Variants in SLC27A4 observed in about 807,000 individuals in gnomAD.
SLC27A4 encodes long-chain fatty acid transport protein 4.
A neutral mutation model predicts 64.4 loss-of-function variants in SLC27A4; 33 were observed. The ratio of observed to expected loss-of-function variants is 0.51; its 90% CI spans 0.39 to 0.68. The LOEUF is 0.68. Among genes scored for constraint, SLC27A4 ranks in the 30% least tolerant of loss-of-function variants. The pLI is 0.00. For synonymous variants in SLC27A4, 377 were observed against 370.0 expected (o/e 1.02, Z -0.22); for missense variants, 824 against 883.5 (o/e 0.93, Z 0.85).
Position 128,355,653 on chromosome 9 carries a change from C to G in SLC27A4, c.1631C>G (p.Thr544Ser), listed in dbSNP as rs1401095556. Residue 544 changes from threonine to serine, a missense_variant, in exon 12 of 13, where the codon ACC (threonine) becomes AGC (serine). Transcript: ENST00000300456. ...GTGTCTACCCTGCCACCCCCAGGAACCGAGGGCCGGGCCGGAATGGCTGCT... is the reference window on the plus strand; with the variant it reads ...GTGTCTACCCTGCCACCCCCAGGAAGCGAGGGCCGGGCCGGAATGGCTGCT... ...VAVYGVEVPG[T>S]EGRAGMAAVA... is the part of the protein sequence containing the mutation. The G allele has an allele frequency of 6.2e-7, 1 of 1,610,470 alleles. No individual in the cohort carries two copies. Among genetic ancestry groups the G allele is most frequent in the Non-Finnish European group, 8.5e-7 (1 of 1,180,018 alleles).
chr9:128,353,671 C>A lies in SLC27A4; in HGVS notation c.1324+130C>A. The A allele has an allele frequency of 1.1e-6, 1 of 898,476 alleles. No homozygotes were observed. The allele number at this position is 898,476 out of a possible 1,614,324, so 55.7% of individuals were successfully genotyped here. Reference sequence around the variant, plus strand: ...TCTGCTCTTAGGGTTACAAGTTACTCATTTATTTGTGTATCCATCCATTCA... The same window carrying A: ...TCTGCTCTTAGGGTTACAAGTTACTAATTTATTTGTGTATCCATCCATTCA... On this transcript the variant is annotated intron_variant, in intron 9 of 12. Coordinates refer to ENST00000300456, the MANE Select transcript of SLC27A4 (RefSeq NM_005094.4). The surrounding 1 kb of genome is among the most constrained non-coding windows in gnomAD (Gnocchi z 4.9).
chr9:128,355,241 G>C, intron 10 of SLC27A4, 51 bp downstream of exon 10: 3 of 1,603,140 alleles, frequency 1.9e-6, no homozygotes, highest in Non-Finnish European at 2.6e-6. Flanking sequence ...GGGAGGAGGG[G>C]ACCTTCTCCC....
At chr9:128,354,797 A>AT (rs947252968) in intron 9 of SLC27A4, among the ~76,000 whole-genome samples, 6 of 151,536 alleles carry the variant, frequency 4.0e-5, no homozygotes, top group Admixed American at 2.0e-4. Flanking sequence ...AAAATAAAAA[A>AT]AAAAAATTAG....
At chr9:128,350,630 C>T (rs1438500035) in intron 6 of SLC27A4, 55 bp downstream of exon 6, 2 of 1,326,474 alleles carry the variant, frequency 1.5e-6, no homozygotes, top group Non-Finnish European at 2.1e-6. Flanking sequence ...CTAGGAACCC[C>T]ACCCCCATCA....
intron 12 of SLC27A4, among the ~76,000 whole-genome samples, chr9:128,356,605 ACCAG>A (rs1832823779): frequency 6.6e-6 from 1 of 152,190 alleles, no homozygotes; most frequent in South Asian, 2.1e-4. Flanking sequence ...GGAGTTCGAG[ACCAG>A]CCTGCCCAAC....
At chr9:128,356,178 C>G (rs1236323536) in intron 12 of SLC27A4, among the ~76,000 whole-genome samples, 1 of 152,084 alleles carries the variant, frequency 6.6e-6, no homozygotes, top group Non-Finnish European at 1.5e-5. Flanking sequence ...ACAGAGCAAG[C>G]TGATAGGAAA....
Position 128,355,372 on chromosome 9 carries a change from C to G in SLC27A4, c.1463-26C>G, listed in dbSNP as rs760456850. Reference sequence around the variant, plus strand: ...TGGTCTCAGAGCTGGCCAGGCCCAGCCCTGCCTCATCCGGCCCCTCCCTAG... The same window carrying G: ...TGGTCTCAGAGCTGGCCAGGCCCAGGCCTGCCTCATCCGGCCCCTCCCTAG... On this transcript the variant is annotated intron_variant, in intron 10 of 12. Coordinates refer to ENST00000300456, the MANE Select transcript of SLC27A4 (RefSeq NM_005094.4). The G allele has an allele frequency of 7.4e-6, 12 of 1,612,878 alleles. No homozygotes were observed. In the East Asian group the frequency reaches 2.7e-4, roughly 36 times the overall value.
intron 1 of SLC27A4, among the ~76,000 whole-genome samples, chr9:128,341,516 G>C (rs564679126): frequency 4.6e-5 from 7 of 152,112 alleles, no homozygotes; most frequent in Non-Finnish European, 1.0e-4. Context: ...GGTCCTCCTC[G>C]CCTCCCTCAA....
At chr9:128,360,282 C>T (rs1832878242) in intron 12 of SLC27A4, 52 bp from the exon 13 acceptor site, 3 of 1,607,772 alleles carry the variant, frequency 1.9e-6, no homozygotes, top group Admixed American at 3.3e-5. Flanking sequence ...GGTTGGGAAG[C>T]TGGGAGCTCG....
At chr9:128,354,081 T>C (rs571428121) in intron 9 of SLC27A4, among the ~76,000 whole-genome samples, 33 of 152,062 alleles carry the variant, frequency 2.2e-4, no homozygotes, top group African/African-American at 7.5e-4. Flanking sequence ...GTAGCTGGAA[T>C]TACAGGCAAA....
chr9:128,350,422 G>T, intron 5 of SLC27A4, 41 bp downstream of exon 5: 2 of 1,612,580 alleles, frequency 1.2e-6, no homozygotes, highest in East Asian at 2.2e-5. Flanking sequence ...CACAGGCAGG[G>T]CTGGGGAGCC....
At chr9:128,346,958 T>C (rs1024609362) in intron 3 of SLC27A4, among the ~76,000 whole-genome samples, 4 of 151,948 alleles carry the variant, frequency 2.6e-5, no homozygotes, top group African/African-American at 9.7e-5. Context: ...TGAGCCGAGA[T>C]CACGTCACTG....
chr9:128,360,497 C>G lies in SLC27A4; in HGVS notation c.*6C>G. 2 of 1,613,604 alleles carry G rather than the reference C, an allele frequency of 1.2e-6. No individual in the cohort carries two copies. The highest frequency in any genetic ancestry group is 1.3e-5 in the African/African-American group (1 of 75,064). On this transcript the variant is annotated 3_prime_UTR_variant, in exon 13 of 13. Coordinates refer to ENST00000300456, the MANE Select transcript of SLC27A4 (RefSeq NM_005094.4). ...CAGGCGAGGAGAAGCTGTGATTCCC[C>G]CCATCCCTCTGAGGGCCGGCGGATG...
intron 9 of SLC27A4, 52 bp from the exon 10 acceptor site, chr9:128,355,001 C>T (rs1014702618): frequency 9.5e-5 from 147 of 1,549,302 alleles, no homozygotes; most frequent in East Asian, 1.9e-4. Context: ...GGTGACAGGA[C>T]GGGTGGGAGA....
intron 12 of SLC27A4, among the ~76,000 whole-genome samples, chr9:128,358,436 ATTAAC>A (rs1429403322): frequency 6.6e-6 from 1 of 151,968 alleles, no homozygotes; most frequent in African/African-American, 2.4e-5. Flanking sequence ...ATTTTGTTTA[ATTAAC>A]TTAAATTTAT....
At chr9:128,349,893 T>G (rs750594591) in intron 4 of SLC27A4, among the ~76,000 whole-genome samples, 3 of 152,188 alleles carry the variant, frequency 2.0e-5, no homozygotes, top group Non-Finnish European at 4.4e-5. Flanking sequence ...GTCACCTTTA[T>G]CGTGAAGCCC....
At chr9:128,352,492 A>G (rs1832751887) in intron 6 of SLC27A4, 146 bp from the exon 7 acceptor site, 1 of 705,266 alleles carries the variant, frequency 1.4e-6, no homozygotes, top group Admixed American at 2.0e-5. Context: ...GGCTTCTTGG[A>G]GGAGGTCACC....
intron 1 of SLC27A4, among the ~76,000 whole-genome samples, chr9:128,341,589 T>A (rs1832573006): frequency 6.6e-6 from 1 of 152,152 alleles, no homozygotes; most frequent in East Asian, 1.9e-4. Context: ...GTTTTCTGGG[T>A]CGCCCTCTAT....
intron 12 of SLC27A4, among the ~76,000 whole-genome samples, chr9:128,356,056 A>G (rs1307801187): frequency 1.3e-5 from 2 of 152,060 alleles, no homozygotes; most frequent in East Asian, 3.9e-4. Context: ...GCCTTCTTGG[A>G]GTTTTAGAGC....
Sources: allele counts gnomAD v4.1 joint callset (sites outside exome capture counted in the v4.1 genomes callset), GRCh38; gene constraint gnomAD v4.1.1; non-coding constraint Gnocchi (gnomAD v3.1); transcripts MANE v1.5; gene names NCBI Gene and HGNC (gene_info 2026-07-23, HGNC 2026-07-21).